Variants in MYO16 observed in about 807,000 individuals in gnomAD.
MYO16 encodes the protein myosin XVI.
A neutral mutation model predicts 205.3 loss-of-function variants in MYO16; 94 were observed. The ratio of observed to expected loss-of-function variants is 0.46; its 90% CI spans 0.39 to 0.54. MYO16 has a LOEUF of 0.54. Among genes scored for constraint, MYO16 ranks in the 20% least tolerant of loss-of-function variants. MYO16 has a pLI of 0.00. For synonymous variants in MYO16, 988 were observed against 954.0 expected (o/e 1.04, Z -0.66); for missense variants, 2,315 against 2,387.5 (o/e 0.97, Z 0.63).
At chr13:109,098,469 G>T (rs757692400) in intron 27 of MYO16, among the ~76,000 whole-genome samples, 1 of 152,156 alleles carries the variant, frequency 6.6e-6, no homozygotes, top group African/African-American at 2.4e-5. Context: ...AAGGGGTCAG[G>T]TGAATATGGT....
intron 2 of MYO16, among the ~76,000 whole-genome samples, chr13:108,671,762 G>T (rs768615661): frequency 6.6e-6 from 1 of 152,084 alleles, no homozygotes; most frequent in Non-Finnish European, 1.5e-5. Context: ...AAGGTACCTG[G>T]CTTGCTGACA....
intron 23 of MYO16, among the ~76,000 whole-genome samples, chr13:109,046,518 A>C (rs994753456): frequency 6.6e-6 from 1 of 152,214 alleles, no homozygotes; most frequent in African/African-American, 2.4e-5. Context: ...AGAACTTTTT[A>C]AATTAGGAGA....
At chr13:109,032,045 G>A (rs1201328118) in intron 23 of MYO16, among the ~76,000 whole-genome samples, 1 of 152,052 alleles carries the variant, frequency 6.6e-6, no homozygotes, top group Non-Finnish European at 1.5e-5. Flanking sequence ...TGTGCTTCAC[G>A]TGTGCAAAGC....
chr13:109,015,277 T>C (rs754507703), intron 22 of MYO16, among the ~76,000 whole-genome samples: 1 of 152,226 alleles, frequency 6.6e-6, no homozygotes, highest in Non-Finnish European at 1.5e-5. Flanking sequence ...TCGATTTGTG[T>C]ATGTTGAACC....
chr13:108,939,920 G>A (rs1882652230), intron 16 of MYO16, among the ~76,000 whole-genome samples: 1 of 152,102 alleles, frequency 6.6e-6, no homozygotes, highest in African/African-American at 2.4e-5. Flanking sequence ...ATCTGTGTGT[G>A]TGATATCTAA....
At chr13:109,056,859 A>G (rs1594508251) in intron 27 of MYO16, among the ~76,000 whole-genome samples, 1 of 152,290 alleles carries the variant, frequency 6.6e-6, no homozygotes, top group African/African-American at 2.4e-5. Flanking sequence ...AGATCTTAAA[A>G]TAATACTGAT....
At chr13:109,129,247 C>T (rs1358730787) in intron 31 of MYO16, among the ~76,000 whole-genome samples, 2 of 152,068 alleles carry the variant, frequency 1.3e-5, no homozygotes, top group African/African-American at 4.8e-5. Flanking sequence ...CATGTTTCAA[C>T]AATGCTTAGA....
intron 31 of MYO16, among the ~76,000 whole-genome samples, chr13:109,135,059 G>A (rs1389627682): frequency 6.6e-6 from 1 of 152,206 alleles, no homozygotes; most frequent in Non-Finnish European, 1.5e-5. Flanking sequence ...TCCTGAGAGA[G>A]ACAGCGCCTC....
chr13:109,148,723 T>C (rs559213201), intron 32 of MYO16, among the ~76,000 whole-genome samples: 105 of 152,188 alleles, frequency 6.9e-4, no homozygotes, highest in African/African-American at 2.4e-3. Flanking sequence ...GTGGGAAAAG[T>C]GAGGAGCCGC....
chr13:108,788,332 T>G (rs1436381600), intron 5 of MYO16, among the ~76,000 whole-genome samples: 1 of 152,000 alleles, frequency 6.6e-6, no homozygotes, highest in East Asian at 1.9e-4. Context: ...GGCTGTGAAA[T>G]GAGACAACCA....
rs1371791860 is a variant in MYO16, at chr13:108,629,705, C to T, written c.-140C>T. 2.9e-6 allele frequency: 2 copies of T among 699,308 alleles called. No individual in the cohort carries two copies. Among genetic ancestry groups the T allele is most frequent in the Non-Finnish European group, 4.7e-6 (2 of 427,456 alleles). 43.3% of individuals were successfully genotyped at this position (699,308 alleles called of 1,614,324 possible). Reference sequence around the variant, plus strand: ...TGAAGCTTTTTGCAGGATCATGGAACAGAGCCTCCATGCAATAGTGCATCC... The same window carrying T: ...TGAAGCTTTTTGCAGGATCATGGAATAGAGCCTCCATGCAATAGTGCATCC... On this transcript the variant is annotated 5_prime_UTR_variant, in exon 1 of 35. An upstream open reading frame in the 5' UTR gains an earlier in-frame stop. Coordinates refer to ENST00000457511, the MANE Select transcript of MYO16 (RefSeq NM_001198950.3).
intron 15 of MYO16, among the ~76,000 whole-genome samples, chr13:108,901,997 A>G (rs956265890): frequency 3.3e-5 from 5 of 152,230 alleles, no homozygotes; most frequent in African/African-American, 1.2e-4. Flanking sequence ...TTCCAATGTC[A>G]TGTTTTTGGA....
chr13:108,817,679 C>T (rs929870643), intron 7 of MYO16, among the ~76,000 whole-genome samples: 3 of 152,134 alleles, frequency 2.0e-5, no homozygotes, highest in Non-Finnish European at 4.4e-5. Flanking sequence ...AAAGAATATT[C>T]GTAGAAATAC....
intron 19 of MYO16, among the ~76,000 whole-genome samples, chr13:108,964,206 T>C (rs1472039113): frequency 1.3e-5 from 2 of 152,194 alleles, no homozygotes; most frequent in African/African-American, 2.4e-5. Flanking sequence ...TGCTCTTTTT[T>C]CCTTGGGCCC....
intron 4 of MYO16, among the ~76,000 whole-genome samples, chr13:108,784,551 C>A (rs1353842797): frequency 6.6e-6 from 1 of 152,008 alleles, no homozygotes; most frequent in Non-Finnish European, 1.5e-5. Context: ...CTTTGGAAAT[C>A]TGTGCAGACT....
chr13:108,879,012 T>C (rs550738820), intron 12 of MYO16, among the ~76,000 whole-genome samples: 1 of 152,332 alleles, frequency 6.6e-6, no homozygotes, highest in East Asian at 1.9e-4. Flanking sequence ...TTTTTGTAGT[T>C]TTGGTTGAGG....
intron 1 of MYO16, among the ~76,000 whole-genome samples, chr13:108,655,895 C>A (rs1035900905): frequency 1.3e-5 from 2 of 152,130 alleles, no homozygotes; most frequent in Non-Finnish European, 2.9e-5. Flanking sequence ...TGTATTTACC[C>A]AATACCTGTA....
chr13:108,788,132 T>G (rs1359875280), intron 5 of MYO16, among the ~76,000 whole-genome samples: 2 of 152,190 alleles, frequency 1.3e-5, no homozygotes, highest in Admixed American at 1.3e-4. Context: ...TTTTGCGTTG[T>G]GCAGTTTCGC....
At chr13:109,088,467 A>G (rs1566499993) in intron 27 of MYO16, among the ~76,000 whole-genome samples, 1 of 152,198 alleles carries the variant, frequency 6.6e-6, no homozygotes, top group Non-Finnish European at 1.5e-5. Context: ...TGTCATGTAA[A>G]TTCTTAGCAG....
Sources: allele counts gnomAD v4.1 joint callset (sites outside exome capture counted in the v4.1 genomes callset), GRCh38; gene constraint gnomAD v4.1.1; transcripts MANE v1.5; gene names NCBI Gene and HGNC (gene_info 2026-07-23, HGNC 2026-07-21).